The following ROBO1 variants were observed in gnomAD, a reference collection of about 807,000 sequenced individuals.
ROBO1 encodes the protein roundabout homolog 1.
In ROBO1, 149 loss-of-function variants were observed where a neutral mutation model predicts 195.9. The ratio of observed to expected loss-of-function variants is 0.76; its 90% confidence interval spans 0.67 to 0.87. The LOEUF is 0.87. Ranked by LOEUF, ROBO1 falls within the 40% of genes least tolerant of loss-of-function variation. ROBO1 has a pLI of 0.00. For missense variants in ROBO1, 1,933 were observed against 2,068.3 expected (o/e 0.93, Z 1.27); for synonymous variants, 816 against 733.2 (o/e 1.11, Z -1.82).
intron 2 of ROBO1, among the ~76,000 whole-genome samples, chr3:79,269,268 C>T (rs1433176577): frequency 4.0e-5 from 6 of 151,716 alleles, no homozygotes; most frequent in Non-Finnish European, 8.9e-5. Flanking sequence ...TCCTAAAAGA[C>T]AGGATCAGCG....
intron 2 of ROBO1, among the ~76,000 whole-genome samples, chr3:79,354,879 G>A (rs1311998861): frequency 6.6e-6 from 1 of 152,134 alleles, no homozygotes; most frequent in Non-Finnish European, 1.5e-5. Flanking sequence ...TAGAAACCAT[G>A]CAAGTGGGCA....
rs377660853 is a variant in ROBO1 at position 79,588,190 on chromosome 3, T to C, written c.88+1634A>G. 2.6e-5 allele frequency among the ~76,000 whole-genome samples: 4 copies of C among 151,870 alleles called. No homozygotes were observed. In the East Asian group the frequency reaches 7.8e-4, roughly 29 times the overall value. On this transcript the variant is annotated intron_variant, in intron 2 of 30. Transcript: ENST00000464233. ...GATTTACAAGTATTTGCATGTAAAA[T>C]AGTAATGACAGAGGTTTGACAGCTT...
At chr3:78,715,846 A>G (rs2108062404) in intron 7 of ROBO1, among the ~76,000 whole-genome samples, 1 of 152,202 alleles carries the variant, frequency 6.6e-6, no homozygotes, top group East Asian at 1.9e-4. Flanking sequence ...AACAAAATTA[A>G]TTTTTCTAAA....
chr3:79,420,503 T>C (rs950589813), intron 2 of ROBO1, among the ~76,000 whole-genome samples: 1 of 152,082 alleles, frequency 6.6e-6, no homozygotes, highest in Non-Finnish European at 1.5e-5. Context: ...CATATCCTGG[T>C]GAAAGGTTTA....
intron 2 of ROBO1, among the ~76,000 whole-genome samples, chr3:79,496,586 A>G (rs1177521715): frequency 1.3e-5 from 2 of 149,190 alleles, no homozygotes; most frequent in East Asian, 4.0e-4. Context: ...ACGGGGTTTC[A>G]CCTTGTTAGC....
Position 79,216,594 on chromosome 3 carries a change from T to C in ROBO1, c.89-91055A>G, listed in dbSNP as rs1576827898. On this transcript the variant is annotated intron_variant, in intron 2 of 30. Transcript: ENST00000464233. The stretch of plus-strand genomic sequence containing the variant: ...TGTGGAGTACCTCCGAACAGTAATA[T>C]TTTATAGAATCTGTTAACATACCAT... Among the ~76,000 whole-genome samples, 3 of 152,080 alleles carry C rather than the reference T, an allele frequency of 2.0e-5. No individual in the cohort carries two copies. In the East Asian group the frequency reaches 5.8e-4, roughly 29 times the overall value.
At position 78,627,560 on chromosome 3, in the gene ROBO1, T is replaced by C; in HGVS notation, c.3636A>G (p.Gln1212=). 1.2e-6 allele frequency: 2 copies of C among 1,611,414 alleles called. No individual in the cohort carries two copies. The highest frequency in any genetic ancestry group is 1.7e-6 in the Non-Finnish European group (2 of 1,178,690). ...YNISVDESYD[Q]EMPCPVPPAR... is the part of the protein sequence containing the mutation. ...CTGGTGGCACGGGACATGGCATTTC[T>C]TGGTCATAGCTAAAATAAATGATAA... Residue 1212 remains glutamine (Q), a synonymous_variant, in exon 26 of 31, where the codon CAA becomes CAG. Transcript: ENST00000464233.
At chr3:79,365,233 T>C (rs1299822513) in intron 2 of ROBO1, among the ~76,000 whole-genome samples, 2 of 152,178 alleles carry the variant, frequency 1.3e-5, no homozygotes, top group Non-Finnish European at 2.9e-5. Flanking sequence ...GCATTTTTTA[T>C]ATCTCTGTGC....
At chr3:78,831,620 C>G (rs2108742129) in intron 4 of ROBO1, among the ~76,000 whole-genome samples, 1 of 152,282 alleles carries the variant, frequency 6.6e-6, no homozygotes, top group Non-Finnish European at 1.5e-5. Flanking sequence ...ATTCACCACT[C>G]AAAACCATTC....
At chr3:78,748,092 T>C (rs2082700121) in intron 4 of ROBO1, among the ~76,000 whole-genome samples, 1 of 152,182 alleles carries the variant, frequency 6.6e-6, no homozygotes, top group Admixed American at 6.5e-5. Context: ...GTACTGAAAA[T>C]GTTTATTAGT....
chr3:79,688,894 C>T (rs1196229531), intron 1 of ROBO1, among the ~76,000 whole-genome samples: 1 of 151,986 alleles, frequency 6.6e-6, no homozygotes, highest in African/African-American at 2.4e-5. Flanking sequence ...ATGTAAAAGA[C>T]AAAAACTAAC....
At chr3:79,354,741 C>A (rs1025019418) in intron 2 of ROBO1, among the ~76,000 whole-genome samples, 1 of 152,170 alleles carries the variant, frequency 6.6e-6, no homozygotes, top group Non-Finnish European at 1.5e-5. Flanking sequence ...AGTAAGACAC[C>A]TTTGCAACAG....
intron 1 of ROBO1, among the ~76,000 whole-genome samples, chr3:79,591,097 C>T (rs551675617): frequency 2.8e-4 from 42 of 151,670 alleles, no homozygotes; most frequent in African/African-American, 9.2e-4. Context: ...TTTAGATTTG[C>T]GAGTTGGGAA....
chr3:79,388,553 A>G (rs2036837221), intron 2 of ROBO1, among the ~76,000 whole-genome samples: 1 of 152,028 alleles, frequency 6.6e-6, no homozygotes, highest in Admixed American at 6.6e-5. Flanking sequence ...ATGAACTAGC[A>G]TTGCAGAAAA....
rs773946524 is a variant in ROBO1 at position 78,600,126 on chromosome 3, T to C, written c.4928A>G (p.Asn1643Ser). 9 of 1,611,936 alleles carry C rather than the reference T, an allele frequency of 5.6e-6. No homozygotes were observed. Among genetic ancestry groups the C allele is most frequent in the Non-Finnish European group, 5.9e-6 (7 of 1,178,546 alleles). ...AATTATAGATACCTCTAATTCTTCA[T>C]TATTATCTTCTCCTCTTTCATATCC... ...LGGYERGEDN[N>S]EELEETES The change falls in exon 30 of 31, where the codon AAT (asparagine) becomes AGT (serine). Residue 1643 changes from asparagine (N) to serine (S), a missense_variant. Asn to Ser is a conservative substitution (Grantham distance 46). Coordinates refer to ENST00000464233, the MANE Select transcript of ROBO1 (RefSeq NM_002941.4).
rs576825920 is a variant in ROBO1, at chr3:79,453,148, A to G, written c.88+136676T>C. On this transcript the variant is annotated intron_variant, in intron 2 of 30. Transcript: ENST00000464233. ...CTACATCTGTGCCCATCTCCCAAGC[A>G]GTACAAGGAAAGAAGGCAAGACTTC... is the stretch of plus-strand genomic sequence containing the variant. Among the ~76,000 whole-genome samples the G allele has an allele frequency of 2.0e-5, 3 of 152,128 alleles. No homozygotes were observed. The South Asian group carries it at 6.2e-4, about 32-fold the overall frequency.
chr3:79,347,918 A>G (rs2035186592), intron 2 of ROBO1, among the ~76,000 whole-genome samples: 1 of 152,172 alleles, frequency 6.6e-6, no homozygotes, highest in Non-Finnish European at 1.5e-5. Flanking sequence ...TATGAATAGA[A>G]GTTAAGATGT....
intron 4 of ROBO1, among the ~76,000 whole-genome samples, chr3:78,844,529 AC>A (rs2033519200): frequency 6.6e-6 from 1 of 152,076 alleles, no homozygotes; most frequent in Admixed American, 6.6e-5. Flanking sequence ...GTAAATCAAT[AC>A]TAGGCTTTGT....
intron 3 of ROBO1, among the ~76,000 whole-genome samples, chr3:78,961,364 A>G (rs1338415470): frequency 6.6e-6 from 1 of 152,336 alleles, no homozygotes; most frequent in Non-Finnish European, 1.5e-5. Context: ...GCTTGTTCTG[A>G]CTTAGTTCTG....
Sources: gnomAD v4.1 joint callset for allele counts (sites outside exome capture counted in the v4.1 genomes callset) on GRCh38, gnomAD v4.1.1 for gene constraint, MANE v1.5 for transcripts, NCBI Gene and HGNC (gene_info 2026-07-23, HGNC 2026-07-21) for gene names.